The following MYO3B variants were observed in gnomAD, a reference collection of about 807,000 sequenced individuals.
The protein encoded by MYO3B is myosin IIIB, also known as myosin-IIIb.
A neutral mutation model predicts 174.6 loss-of-function variants in MYO3B; 156 were observed. The observed-to-expected ratio is 0.89, with a 90% confidence interval of 0.78 to 1.02. MYO3B has a LOEUF of 1.02. Ranked by LOEUF, MYO3B falls within the 50% of genes least tolerant of loss-of-function variation. The pLI is 0.00. For synonymous variants in MYO3B, 563 were observed against 569.1 expected, an observed-to-expected ratio of 0.99 and a Z score of 0.15; for missense variants, 1,632 against 1,639.4, an observed-to-expected ratio of 1.00 and a Z score of 0.08.
intron 30 of MYO3B, among the ~76,000 whole-genome samples, chr2:170,524,297 T>C (rs1688865289): frequency 6.6e-6 from 1 of 152,150 alleles, no homozygotes; most frequent in African/African-American, 2.4e-5. Context: ...CAGAGACCAG[T>C]GCTGGATTGG....
intron 22 of MYO3B, among the ~76,000 whole-genome samples, chr2:170,416,825 T>TTG (rs2094583074): frequency 6.4e-5 from 1 of 15,694 alleles, no homozygotes; most frequent in African/African-American, 1.5e-4. Flanking sequence ...GTTGTTTTTT[T>TTG]TTTTTTTTTT....
intron 25 of MYO3B, among the ~76,000 whole-genome samples, chr2:170,487,629 A>G (rs990874666): frequency 6.6e-6 from 1 of 152,218 alleles, no homozygotes; most frequent in Non-Finnish European, 1.5e-5. Flanking sequence ...CTGTGTAATT[A>G]GCCTTGAGAT....
chr2:170,310,808 A>G (rs2093734475), intron 7 of MYO3B, among the ~76,000 whole-genome samples: 1 of 152,292 alleles, frequency 6.6e-6, no homozygotes, highest in Non-Finnish European at 1.5e-5. Flanking sequence ...ATTAACAGAA[A>G]GGAATGTCTG....
At chr2:170,230,197 T>C (rs1053188103) in intron 6 of MYO3B, among the ~76,000 whole-genome samples, 1 of 146,136 alleles carries the variant, frequency 6.8e-6, no homozygotes, top group Non-Finnish European at 1.5e-5. Flanking sequence ...CGAGACAGAG[T>C]CTTGCTCTGT....
intron 6 of MYO3B, among the ~76,000 whole-genome samples, chr2:170,230,885 G>A (rs542172545): frequency 3.4e-4 from 52 of 152,158 alleles, no homozygotes; most frequent in Non-Finnish European, 6.5e-4. Flanking sequence ...AAGAGGTACA[G>A]GGAGATAAAA....
intron 3 of MYO3B, among the ~76,000 whole-genome samples, chr2:170,200,811 A>G (rs1208870661): frequency 6.6e-6 from 1 of 152,200 alleles, no homozygotes; most frequent in East Asian, 1.9e-4. Flanking sequence ...CTGAACAGCA[A>G]TATGGTCATA....
intron 8 of MYO3B, among the ~76,000 whole-genome samples, chr2:170,350,005 A>G (rs1294594973): frequency 6.6e-6 from 1 of 150,416 alleles, no homozygotes; most frequent in Non-Finnish European, 1.5e-5. Flanking sequence ...ACAACTGAAC[A>G]TTTTTTTTTC....
At chr2:170,432,110 G>A (rs183883011) in intron 22 of MYO3B, among the ~76,000 whole-genome samples, 1 of 152,192 alleles carries the variant, frequency 6.6e-6, no homozygotes, top group Non-Finnish European at 1.5e-5. Flanking sequence ...ATGTGCTATA[G>A]TAGGCTTTTA....
chr2:170,497,952 A>G lies in MYO3B; in HGVS notation c.3015-640A>G, dbSNP rs1010284555. 0.023 allele frequency among the ~76,000 whole-genome samples: 140 copies of G among 6,152 alleles called. 3 individuals are homozygous for G. In the South Asian group the frequency reaches 0.45, roughly 20 times the overall value. The allele number at this position is 6,152 out of a possible 152,430, so 4.0% of individuals were successfully genotyped here. ...AAGAGTGAAATTCTGCCTCAGAAAA[A>G]AAAAAAAAAAAAAAAAAAAGATGCT... On this transcript the variant is annotated intron_variant, in intron 25 of 34. Transcript: ENST00000408978.
chr2:170,601,562 G>A (rs552978426), intron 32 of MYO3B: 2 of 978,224 alleles, frequency 2.0e-6, no homozygotes, highest in South Asian at 1.5e-5. Context: ...TGTGTACAGG[G>A]GGGTTAAATG....
chr2:170,596,673 C>G (rs1405052627), intron 32 of MYO3B, among the ~76,000 whole-genome samples: 5 of 152,144 alleles, frequency 3.3e-5, no homozygotes, highest in Non-Finnish European at 5.9e-5. Flanking sequence ...GCCCCCAAAC[C>G]ACCACTACCC....
At chr2:170,494,755 G>GA (rs1196979153) in intron 25 of MYO3B, among the ~76,000 whole-genome samples, 3 of 142,722 alleles carry the variant, frequency 2.1e-5, no homozygotes, top group Admixed American at 7.0e-5. Context: ...AAAAGAAGAA[G>GA]AAAAAAAAGA....
At chr2:170,521,046 T>C (rs186428715) in intron 30 of MYO3B, among the ~76,000 whole-genome samples, 2 of 152,332 alleles carry the variant, frequency 1.3e-5, no homozygotes, top group African/African-American at 4.8e-5. Context: ...ATTAGAGAGT[T>C]CTTTGCATCT....
chr2:170,400,511 T>A (rs1412813035), intron 17 of MYO3B, among the ~76,000 whole-genome samples, 197 bp downstream of exon 17: 3 of 151,570 alleles, frequency 2.0e-5, no homozygotes, highest in African/African-American at 4.9e-5. Flanking sequence ...GTTCAAGCAG[T>A]TCTTTGCCTC....
intron 7 of MYO3B, among the ~76,000 whole-genome samples, chr2:170,294,156 A>G (rs945916404): frequency 2.0e-5 from 3 of 152,022 alleles, no homozygotes; most frequent in African/African-American, 7.2e-5. Flanking sequence ...TTTTTGGCTC[A>G]ATCAACTTTA....
intron 30 of MYO3B, among the ~76,000 whole-genome samples, chr2:170,536,684 G>C (rs1689700999): frequency 6.6e-6 from 1 of 152,106 alleles, no homozygotes. Context: ...TAAAATAATA[G>C]TGAGGCATAT....
intron 25 of MYO3B, among the ~76,000 whole-genome samples, chr2:170,467,302 A>C (rs1684705862): frequency 6.6e-6 from 1 of 152,204 alleles, no homozygotes; most frequent in African/African-American, 2.4e-5. Context: ...ATGTAGAACC[A>C]GGATTTGAAC....
At chr2:170,291,067 G>A (rs2093592370) in intron 7 of MYO3B, among the ~76,000 whole-genome samples, 1 of 151,966 alleles carries the variant, frequency 6.6e-6, no homozygotes, top group Admixed American at 6.6e-5. Flanking sequence ...TGGCCAACAT[G>A]GTGAAACCCC....
intron 32 of MYO3B, among the ~76,000 whole-genome samples, chr2:170,570,657 T>C (rs772711673): frequency 7.2e-5 from 11 of 152,210 alleles, no homozygotes; most frequent in Non-Finnish European, 1.2e-4. Flanking sequence ...TCCTTGATCA[T>C]TATTGTAAGG....
Sources: gnomAD v4.1 joint callset for allele counts (sites outside exome capture counted in the v4.1 genomes callset) on GRCh38, gnomAD v4.1.1 for gene constraint, MANE v1.5 for transcripts, NCBI Gene and HGNC (gene_info 2026-07-23, HGNC 2026-07-21) for gene names.